ARHGAP22: variants seen among roughly 807,000 people sequenced by gnomAD.
ARHGAP22 encodes the protein rho GTPase-activating protein 22.
A neutral mutation model predicts 59.1 loss-of-function variants in ARHGAP22; 48 were observed. That is an observed-to-expected ratio of 0.81 (90% CI 0.64 to 1.03). The LOEUF (loss-of-function observed/expected upper bound fraction) is 1.03. Among genes scored for constraint, ARHGAP22 ranks in the 50% least tolerant of loss-of-function variants. The pLI is 0.00. For synonymous variants in ARHGAP22, 445 were observed against 416.4 expected, an observed-to-expected ratio of 1.07 and a Z score of -0.84; for missense variants, 1,015 against 958.7, an observed-to-expected ratio of 1.06 and a Z score of -0.78.
Position 48,446,080 on chromosome 10 carries a change from G to T in ARHGAP22, c.*311C>A. On this transcript the variant is annotated 3_prime_UTR_variant, in exon 10 of 10. Coordinates refer to ENST00000249601, the MANE Select transcript of ARHGAP22 (RefSeq NM_021226.4). ...ATAAAGAAAGCTGACTGTTCCCGGT[G>T]GCTGCCTGGATCCTGGGCGCCCTCC... is the stretch of plus-strand genomic sequence containing the variant. 1 of 420,602 alleles carries T rather than the reference G, an allele frequency of 2.4e-6. No homozygotes were observed. The highest frequency in any genetic ancestry group is 4.0e-5 in the South Asian group (1 of 24,922). 26.1% of individuals were successfully genotyped at this position (420,602 alleles called of 1,614,324 possible).
chr10:48,649,505 G>A (rs1457652604), intron 1 of ARHGAP22, among the ~76,000 whole-genome samples: 2 of 152,216 alleles, frequency 1.3e-5, no homozygotes, highest in African/African-American at 4.8e-5. Flanking sequence ...CTGGGTATGG[G>A]CAGAGGCCAC....
chr10:48,518,290 G>A (rs1177687951), intron 3 of ARHGAP22, among the ~76,000 whole-genome samples: 1 of 152,126 alleles, frequency 6.6e-6, no homozygotes, highest in Non-Finnish European at 1.5e-5. Context: ...CTGCCACCTC[G>A]CCTGGCCTCT....
At chr10:48,526,188 AG>A (rs1320508967) in intron 3 of ARHGAP22, among the ~76,000 whole-genome samples, 1 of 152,192 alleles carries the variant, frequency 6.6e-6, no homozygotes, top group Non-Finnish European at 1.5e-5. Context: ...TGGAAAGCAG[AG>A]GCTGCCCAAG....
At chr10:48,560,014 A>G (rs931131811) in intron 2 of ARHGAP22, among the ~76,000 whole-genome samples, 2 of 152,210 alleles carry the variant, frequency 1.3e-5, no homozygotes, top group African/African-American at 2.4e-5. Flanking sequence ...TCCCCAAAAG[A>G]TATGCCTGTC....
At chr10:48,528,599 T>C (rs1026207421) in intron 3 of ARHGAP22, among the ~76,000 whole-genome samples, 8 of 152,154 alleles carry the variant, frequency 5.3e-5, no homozygotes, top group Non-Finnish European at 1.2e-4. Flanking sequence ...ACAGGAATGG[T>C]CCCTGATATG....
chr10:48,573,332 T>C (rs1168038270), intron 2 of ARHGAP22, among the ~76,000 whole-genome samples: 4 of 152,222 alleles, frequency 2.6e-5, no homozygotes, highest in African/African-American at 7.2e-5. Flanking sequence ...AGGAGGAAAC[T>C]GAGGCTCAGA....
At chr10:48,471,808 C>T (rs957748601) in intron 4 of ARHGAP22, among the ~76,000 whole-genome samples, 2 of 152,230 alleles carry the variant, frequency 1.3e-5, no homozygotes, top group African/African-American at 4.8e-5. Flanking sequence ...CTCCAGCTCC[C>T]CCTTGTACAA....
At chr10:48,458,833 G>A (rs1457508252) in intron 5 of ARHGAP22, among the ~76,000 whole-genome samples, 2 of 152,184 alleles carry the variant, frequency 1.3e-5, no homozygotes, top group Non-Finnish European at 2.9e-5. Context: ...CTAGGGAACA[G>A]TGGTCAGTCC....
At position 48,604,990 on chromosome 10, in the gene ARHGAP22, T is replaced by TCGATG; in HGVS notation, c.-199_-195dup. ...CGGCTCGCCTTGGACTACATAAACC[T>TCGATG]CGATGCATTATTTATCCATCCCAGA... On this transcript the variant is annotated 5_prime_UTR_variant, in exon 1 of 10. An upstream open reading frame in the 5' UTR gains an earlier in-frame stop. Coordinates refer to ENST00000249601, the MANE Select transcript of ARHGAP22 (RefSeq NM_021226.4). The TCGATG allele has an allele frequency of 7.6e-6, 11 of 1,456,914 alleles. No individual in the cohort carries two copies. The highest frequency in any genetic ancestry group is 9.9e-6 in the Non-Finnish European group (11 of 1,109,510). 90.2% of individuals were successfully genotyped at this position (1,456,914 alleles called of 1,614,324 possible).
At chr10:48,501,563 A>G (rs944437276) in intron 3 of ARHGAP22, among the ~76,000 whole-genome samples, 2 of 152,236 alleles carry the variant, frequency 1.3e-5, no homozygotes, top group South Asian at 2.1e-4. Context: ...GGTTTTGACA[A>G]TCTCTTTGGA....
intron 1 of ARHGAP22, among the ~76,000 whole-genome samples, chr10:48,636,638 G>A (rs945618092): frequency 1.3e-5 from 2 of 152,180 alleles, no homozygotes; most frequent in African/African-American, 4.8e-5. Flanking sequence ...CACGTGTTAT[G>A]TGTGTCCAAG....
chr10:48,598,930 T>A (rs1011829125), intron 1 of ARHGAP22, among the ~76,000 whole-genome samples: 1 of 152,236 alleles, frequency 6.6e-6, no homozygotes, highest in African/African-American at 2.4e-5. Flanking sequence ...AGCCTTTGGG[T>A]TCTTGATCCC....
chr10:48,529,979 G>A (rs931869477), intron 3 of ARHGAP22, among the ~76,000 whole-genome samples: 5 of 152,178 alleles, frequency 3.3e-5, no homozygotes, highest in East Asian at 1.9e-4. Flanking sequence ...GCTCACGCCT[G>A]TAATCCCAGC....
intron 1 of ARHGAP22, among the ~76,000 whole-genome samples, chr10:48,649,759 G>A (rs946967493): frequency 5.9e-5 from 9 of 152,142 alleles, no homozygotes; most frequent in Non-Finnish European, 1.2e-4. Context: ...GAGACTTTTA[G>A]CACAGAACTC....
intron 1 of ARHGAP22, among the ~76,000 whole-genome samples, chr10:48,642,981 T>C (rs966875830): frequency 6.6e-6 from 1 of 152,084 alleles, no homozygotes; most frequent in Non-Finnish European, 1.5e-5. Flanking sequence ...AACAGACACA[T>C]GAAAAAATGC....
Position 48,555,568 on chromosome 10 carries a change from A to G in ARHGAP22, c.235-18T>C. The G allele has an allele frequency of 6.2e-7, 1 of 1,610,310 alleles. No homozygotes were observed. Among genetic ancestry groups the G allele is most frequent in the Non-Finnish European group, 8.5e-7 (1 of 1,176,534 alleles). ...ATAAATCCCTAAAAAGGAGGCAAAC[A>G]CAAACACAGGGAGCATGAGATGATG... On this transcript the variant is annotated intron_variant, in intron 2 of 9. Coordinates refer to ENST00000249601, the MANE Select transcript of ARHGAP22 (RefSeq NM_021226.4).
chr10:48,550,120 C>T (rs2056785412), intron 3 of ARHGAP22, among the ~76,000 whole-genome samples: 1 of 152,224 alleles, frequency 6.6e-6, no homozygotes, highest in Non-Finnish European at 1.5e-5. Context: ...CAGCTGCTCT[C>T]CCTGATTCTT....
At chr10:48,649,855 A>G (rs557629460) in intron 1 of ARHGAP22, among the ~76,000 whole-genome samples, 7 of 152,314 alleles carry the variant, frequency 4.6e-5, no homozygotes, top group Non-Finnish European at 1.0e-4. Context: ...GATTGTGGAC[A>G]AAGTGAAGAA....
intron 1 of ARHGAP22, among the ~76,000 whole-genome samples, chr10:48,595,879 G>A (rs1053976372): frequency 6.6e-6 from 1 of 152,168 alleles, no homozygotes; most frequent in Non-Finnish European, 1.5e-5. Flanking sequence ...CCATCTAAGG[G>A]GATCTAGAGA....
Sources: gnomAD v4.1 joint callset for allele counts (sites outside exome capture counted in the v4.1 genomes callset) on GRCh38, gnomAD v4.1.1 for gene constraint, MANE v1.5 for transcripts, NCBI Gene and HGNC (gene_info 2026-07-23, HGNC 2026-07-21) for gene names.